AP5M1: variants seen among roughly 807,000 people sequenced by gnomAD.
AP5M1 encodes AP-5 complex subunit mu-1.
AP5M1 carries 44 observed loss-of-function variants against 52.3 expected under a neutral mutation model. The ratio of observed to expected loss-of-function variants is 0.84; its 90% CI spans 0.66 to 1.08. AP5M1 has a LOEUF of 1.08. Ranked by LOEUF, AP5M1 falls within the 50% of genes least tolerant of loss-of-function variation. The probability of loss-of-function intolerance (pLI) is 0.00; values close to 1 mark genes in which losing one functional copy is unlikely to be tolerated. For synonymous variants in AP5M1, 213 were observed against 199.0 expected (o/e 1.07, Z -0.59); for missense variants, 526 against 568.4 (o/e 0.93, Z 0.76).
At chr14:57,270,675 G>A (rs17093041) in intron 1 of AP5M1, among the ~76,000 whole-genome samples, 25,273 of 152,018 alleles carry the variant, frequency 0.17, 4,391 homozygotes, top group African/African-American at 0.45. Flanking sequence ...GCATCAGTCC[G>A]TACAAAGTAT....
intron 4 of AP5M1, among the ~76,000 whole-genome samples, chr14:57,282,730 A>C (rs1348682784): frequency 6.6e-6 from 1 of 152,202 alleles, no homozygotes; most frequent in Non-Finnish European, 1.5e-5. Flanking sequence ...TTAATAATGA[A>C]ATACACATCA....
Position 57,269,133 on chromosome 14 carries a change from G to A in AP5M1, c.-182G>A, listed in dbSNP as rs1287211147. The stretch of plus-strand genomic sequence containing the variant: ...TTTTTGTGGTGTGTGTTGGCCTAGA[G>A]CGACTCAGAAGCGTTAGTGACTTCA... On this transcript the variant is annotated 5_prime_UTR_variant, in exon 1 of 8. Coordinates refer to ENST00000261558, the MANE Select transcript of AP5M1 (RefSeq NM_018229.4). 8.2e-6 allele frequency: 5 copies of A among 613,336 alleles called. No homozygotes were observed. Among genetic ancestry groups the A allele is most frequent in the Non-Finnish European group, 1.4e-5 (5 of 347,486 alleles). 38.0% of individuals were successfully genotyped at this position (613,336 alleles called of 1,614,324 possible).
Position 57,274,870 on chromosome 14 carries a change from T to C in AP5M1, c.701T>C (p.Val234Ala). The change falls in exon 2 of 8, where the codon GTT (valine) becomes GCT (alanine). Residue 234 changes from valine to alanine, a missense_variant. Coordinates refer to ENST00000261558, the MANE Select transcript of AP5M1 (RefSeq NM_018229.4). The part of the protein sequence containing the change: ...KQGIADTWQV[V>A]GTVTCKCDLE... The stretch of plus-strand genomic sequence containing the variant: ...GGTATAGCAGATACATGGCAAGTTG[T>C]TGGAACAGTGACTTGCAAGGTGAGA... 1 of 1,614,170 alleles carries C rather than the reference T, an allele frequency of 6.2e-7. No individual in the cohort carries two copies. The highest frequency in any genetic ancestry group is 8.5e-7 in the Non-Finnish European group (1 of 1,180,004).
chr14:57,269,950 A>C (rs1415728339), intron 1 of AP5M1, among the ~76,000 whole-genome samples: 1 of 152,080 alleles, frequency 6.6e-6, no homozygotes, highest in Non-Finnish European at 1.5e-5. Context: ...CTGGGACTAC[A>C]GGCACCCGCC....
chr14:57,283,978 C>T (rs1566518568), intron 6 of AP5M1, among the ~76,000 whole-genome samples: 1 of 152,126 alleles, frequency 6.6e-6, no homozygotes, highest in Non-Finnish European at 1.5e-5. Context: ...TAGAGTAAGA[C>T]TCTGTCTCAA....
chr14:57,291,368 C>T lies in AP5M1; in HGVS notation c.*2484C>T, dbSNP rs1245912970. The T allele has an allele frequency of 3.3e-5, 5 of 151,152 alleles. No homozygotes were observed. Among genetic ancestry groups the T allele is most frequent in the African/African-American group, 9.7e-5 (4 of 41,128 alleles). The allele number at this position is 151,152 out of a possible 1,614,324, so 9.4% of individuals were successfully genotyped here. On this transcript the variant is annotated 3_prime_UTR_variant, in exon 8 of 8. Coordinates refer to ENST00000261558, the MANE Select transcript of AP5M1 (RefSeq NM_018229.4). ...ATAGGTAATTATTCTTCAATAAACT[C>T]GAAAGGTTAAAAAAAAAAGTGTTAA... is the stretch of plus-strand genomic sequence containing the variant.
At chr14:57,279,636 T>A (rs569180210) in intron 2 of AP5M1, among the ~76,000 whole-genome samples, 1 of 152,174 alleles carries the variant, frequency 6.6e-6, no homozygotes, top group Non-Finnish European at 1.5e-5. Context: ...GGCCCACGTT[T>A]ACATATGTAA....
intron 4 of AP5M1, 94 bp from the exon 5 acceptor site, chr14:57,282,840 C>T: frequency 1.4e-6 from 1 of 716,010 alleles, no homozygotes. Flanking sequence ...TTTATGCTGT[C>T]CTTGTATTAA....
chr14:57,288,713 G>T (rs1284428258), intron 7 of AP5M1, 89 bp from the exon 8 acceptor site: 1 of 748,168 alleles, frequency 1.3e-6, no homozygotes, highest in Non-Finnish European at 2.4e-6. Flanking sequence ...TGAAATAACT[G>T]CATTCCACAA....
intron 7 of AP5M1, among the ~76,000 whole-genome samples, chr14:57,287,386 C>T (rs1253653650): frequency 6.6e-6 from 1 of 152,110 alleles, no homozygotes; most frequent in Non-Finnish European, 1.5e-5. Flanking sequence ...AATATAATTT[C>T]TACTATGTAA....
rs769624278 is a variant in AP5M1 at position 57,274,906 on chromosome 14, G to C, written c.720+17G>C. The C allele has an allele frequency of 6.2e-7, 1 of 1,613,770 alleles. No homozygotes were observed. Among genetic ancestry groups the C allele is most frequent in the Non-Finnish European group, 8.5e-7 (1 of 1,179,840 alleles). The stretch of plus-strand genomic sequence containing the variant: ...ACTTGCAAGGTGAGATTTTTCTCTG[G>C]TACTTGCTTTATCGTTTTATTTAAC... On this transcript the variant is annotated intron_variant, in intron 2 of 7. Coordinates refer to ENST00000261558, the MANE Select transcript of AP5M1 (RefSeq NM_018229.4).
Position 57,277,727 on chromosome 14 carries a change from A to C in AP5M1, c.721-2468A>C, listed in dbSNP as rs1885074898. Among the ~76,000 whole-genome samples the C allele has an allele frequency of 1.3e-5, 2 of 151,536 alleles. 1 individual carries two copies. Among genetic ancestry groups the C allele is most frequent in the African/African-American group, 4.9e-5 (2 of 40,796 alleles). ...GTAGGTAAAACATTAAAAGTGAAAC[A>C]TTTCACATTAGAAATTGAAAACAAA... On this transcript the variant is annotated intron_variant, in intron 2 of 7. Transcript: ENST00000261558.
In AP5M1 at chr14:57,296,436, A is replaced by G. The variant is rs922205283; in HGVS notation, c.*7552A>G. 1.3e-5 allele frequency: 2 copies of G among 152,064 alleles called. No individual in the cohort carries two copies. Among genetic ancestry groups the G allele is most frequent in the African/African-American group, 4.8e-5 (2 of 41,440 alleles). 9.4% of individuals were successfully genotyped at this position (152,064 alleles called of 1,614,324 possible). A position where few individuals can be genotyped will look rare whatever the true frequency, so the allele number is the denominator to read the frequency against. ...TCTATAACATGTACATTTATAGAGCATCATATATTTATTTTAAGTCTAGAA... is the reference window on the plus strand; with the variant it reads ...TCTATAACATGTACATTTATAGAGCGTCATATATTTATTTTAAGTCTAGAA... On this transcript the variant is annotated 3_prime_UTR_variant, in exon 8 of 8. Transcript: ENST00000261558.
intron 6 of AP5M1, among the ~76,000 whole-genome samples, chr14:57,284,299 A>G (rs531947685): frequency 8.9e-4 from 136 of 152,346 alleles, no homozygotes; most frequent in African/African-American, 3.0e-3. Context: ...AAATAGTAGT[A>G]CTATGAGAGA....
Position 57,291,616 on chromosome 14 carries a change from T to TA in AP5M1, c.*2738dup, listed in dbSNP as rs1185119614. ...GGAATTCTGATGACAATTATTTGTT[T>TA]AAAAAATTTTTTTTATTAAACATTA... On this transcript the variant is annotated 3_prime_UTR_variant, in exon 8 of 8. Transcript: ENST00000261558. 1.3e-5 allele frequency: 2 copies of TA among 151,846 alleles called. No individual in the cohort carries two copies. The highest frequency in any genetic ancestry group is 4.8e-5 in the African/African-American group (2 of 41,416). 9.4% of individuals were successfully genotyped at this position (151,846 alleles called of 1,614,324 possible).
chr14:57,269,140 A>G lies in AP5M1; in HGVS notation c.-175A>G. On this transcript the variant is annotated 5_prime_UTR_variant, in exon 1 of 8. Transcript: ENST00000261558. ...GGTGTGTGTTGGCCTAGAGCGACTC[A>G]GAAGCGTTAGTGACTTCACCTAAAA... 1 of 621,570 alleles carries G rather than the reference A, an allele frequency of 1.6e-6. No individual in the cohort carries two copies. Among genetic ancestry groups the G allele is most frequent in the Non-Finnish European group, 2.8e-6 (1 of 352,542 alleles). The allele number at this position is 621,570 out of a possible 1,614,324, so 38.5% of individuals were successfully genotyped here. A position where few individuals can be genotyped will look rare whatever the true frequency, so the allele number is the denominator to read the frequency against.
intron 6 of AP5M1, 65 bp downstream of exon 6, chr14:57,283,295 A>C (rs552925117): frequency 1.0e-4 from 96 of 933,350 alleles, no homozygotes; most frequent in Non-Finnish European, 1.4e-4. Context: ...GCATATTTCT[A>C]GTTGATTTTT....
rs757713117 is a variant in AP5M1, at chr14:57,293,522, T to A, written c.*4638T>A. ...TAATAACTAGTTTCAAAATATATTT[T>A]GATAGCAAGTTCCTAAACCACAGCA... On this transcript the variant is annotated 3_prime_UTR_variant, in exon 8 of 8. Coordinates refer to ENST00000261558, the MANE Select transcript of AP5M1 (RefSeq NM_018229.4). The A allele has an allele frequency of 6.6e-6, 1 of 151,742 alleles. No individual in the cohort carries two copies. The highest frequency in any genetic ancestry group is 1.5e-5 in the Non-Finnish European group (1 of 67,768). The allele number at this position is 151,742 out of a possible 1,614,324, so 9.4% of individuals were successfully genotyped here.
Position 57,295,813 on chromosome 14 carries a change from A to G in AP5M1, c.*6929A>G, listed in dbSNP as rs1253712333. The stretch of plus-strand genomic sequence containing the variant: ...TGTAACTTTCCTCCCAGAAGCTGCA[A>G]TACATAAGAAATAATAAGCTGAAAA... On this transcript the variant is annotated 3_prime_UTR_variant, in exon 8 of 8. Transcript: ENST00000261558. The G allele has an allele frequency of 1.3e-5, 2 of 151,950 alleles. No homozygotes were observed. Among genetic ancestry groups the G allele is most frequent in the Non-Finnish European group, 2.9e-5 (2 of 67,920 alleles). 9.4% of individuals were successfully genotyped at this position (151,950 alleles called of 1,614,324 possible). A position where few individuals can be genotyped will look rare whatever the true frequency, so the allele number is the denominator to read the frequency against.
Sources: allele counts gnomAD v4.1 joint callset (sites outside exome capture counted in the v4.1 genomes callset), GRCh38; gene constraint gnomAD v4.1.1; transcripts MANE v1.5; gene names NCBI Gene and HGNC (gene_info 2026-07-23, HGNC 2026-07-21).